METTL25: variants seen among roughly 807,000 people sequenced by gnomAD.
The protein encoded by METTL25 is methyltransferase like 25.
A neutral mutation model predicts 71.6 loss-of-function variants in METTL25; 64 were observed. That is an observed-to-expected ratio of 0.89 (90% confidence interval 0.73 to 1.10). The LOEUF (loss-of-function observed/expected upper bound fraction) is 1.10. Ranked by LOEUF, METTL25 falls within the 50% of genes least tolerant of loss-of-function variation. The probability of loss-of-function intolerance (pLI) is 0.00; values close to 1 mark genes in which losing one functional copy is unlikely to be tolerated. For missense variants in METTL25, 807 were observed against 707.0 expected (o/e 1.14, Z -1.60); for synonymous variants, 287 against 250.3 (o/e 1.15, Z -1.38).
At chr12:82,414,546 TC>T (rs1335393938) in intron 5 of METTL25, among the ~76,000 whole-genome samples, 1 of 152,166 alleles carries the variant, frequency 6.6e-6, no homozygotes, top group African/African-American at 2.4e-5. Context: ...AAAAAAGTTC[TC>T]CCTGTGTTCA....
intron 5 of METTL25, among the ~76,000 whole-genome samples, chr12:82,406,187 G>A (rs373486570): frequency 1.3e-5 from 2 of 152,040 alleles, no homozygotes; most frequent in African/African-American, 2.4e-5. Context: ...ATGAGATATC[G>A]TGTTCACCCT....
intron 9 of METTL25, chr12:82,459,826 T>A (rs191544083): frequency 6.6e-6 from 1 of 152,308 alleles, no homozygotes; most frequent in East Asian, 1.9e-4. Context: ...AATGAAATCA[T>A]ACCTAAAAGT....
intron 5 of METTL25, among the ~76,000 whole-genome samples, chr12:82,426,346 A>G (rs1420397602): frequency 6.6e-6 from 1 of 152,024 alleles, no homozygotes; most frequent in Non-Finnish European, 1.5e-5. Flanking sequence ...ATGGTTATGT[A>G]ACCACGTGGT....
At chr12:82,449,326 G>A (rs781319047) in intron 8 of METTL25, among the ~76,000 whole-genome samples, 5 of 152,130 alleles carry the variant, frequency 3.3e-5, no homozygotes, top group African/African-American at 1.2e-4. Context: ...TGGCATTCAA[G>A]GCCATTTCAA....
At chr12:82,477,983 A>T (rs1388972297) in intron 11 of METTL25, among the ~76,000 whole-genome samples, 1 of 151,866 alleles carries the variant, frequency 6.6e-6, no homozygotes, top group Non-Finnish European at 1.5e-5. Context: ...ATTTTGTCAT[A>T]TGGGGAGCTT....
At chr12:82,443,472 A>G (rs1054127933) in intron 8 of METTL25, among the ~76,000 whole-genome samples, 7 of 151,210 alleles carry the variant, frequency 4.6e-5, no homozygotes, top group African/African-American at 1.7e-4. Flanking sequence ...CAAAAAAAAA[A>G]AAAAAAAGAA....
chr12:82,420,316 C>A (rs1888366574), intron 5 of METTL25, among the ~76,000 whole-genome samples: 1 of 151,874 alleles, frequency 6.6e-6, no homozygotes, highest in South Asian at 2.1e-4. Flanking sequence ...CTTAAAAATT[C>A]CTAAAAGGGT....
chr12:82,438,921 A>G, intron 8 of METTL25, 130 bp downstream of exon 8: 1 of 682,406 alleles, frequency 1.5e-6, no homozygotes, highest in East Asian at 3.4e-5. Context: ...CATAATGTCA[A>G]TAACAAGTAC....
intron 1 of METTL25, 32 bp from the exon 2 acceptor site, chr12:82,386,771 G>T: frequency 6.3e-7 from 1 of 1,576,938 alleles, no homozygotes. Flanking sequence ...ATTAATTATT[G>T]CTGAAGACTT....
intron 4 of METTL25, among the ~76,000 whole-genome samples, chr12:82,399,975 A>T (rs1480186362): frequency 2.0e-5 from 3 of 146,660 alleles, no homozygotes; most frequent in African/African-American, 7.5e-5. Context: ...TAGCTTTTGG[A>T]GTTGTATTAC....
intron 10 of METTL25, 73 bp from the exon 11 acceptor site, chr12:82,477,208 T>G (rs1892924230): frequency 4.5e-6 from 3 of 662,434 alleles, no homozygotes; most frequent in Admixed American, 5.4e-5. Flanking sequence ...TATTTAAACA[T>G]AAGTTTAAGG....
intron 1 of METTL25, among the ~76,000 whole-genome samples, chr12:82,365,836 A>C (rs943052147): frequency 1.3e-5 from 2 of 152,186 alleles, no homozygotes; most frequent in Admixed American, 6.5e-5. Flanking sequence ...CAATCCCAGC[A>C]CTTTGGGAGG....
At chr12:82,429,836 G>A (rs979137005) in intron 5 of METTL25, among the ~76,000 whole-genome samples, 8 of 151,382 alleles carry the variant, frequency 5.3e-5, no homozygotes, top group Non-Finnish European at 7.4e-5. Context: ...AGGGAGGATC[G>A]TCCATATCTT....
At chr12:82,376,167 T>C (rs1016125577) in intron 1 of METTL25, among the ~76,000 whole-genome samples, 7 of 152,374 alleles carry the variant, frequency 4.6e-5, no homozygotes, top group Admixed American at 3.3e-4. Flanking sequence ...TTTTAAATTA[T>C]TGAATTTCCA....
At chr12:82,407,273 A>G (rs1887176566) in intron 5 of METTL25, among the ~76,000 whole-genome samples, 1 of 152,148 alleles carries the variant, frequency 6.6e-6, no homozygotes, top group Admixed American at 6.6e-5. Flanking sequence ...CAGATTCTCA[A>G]GCATTAGTCT....
intron 4 of METTL25, among the ~76,000 whole-genome samples, chr12:82,402,374 G>T (rs1886706074): frequency 6.6e-6 from 1 of 151,986 alleles, no homozygotes; most frequent in African/African-American, 2.4e-5. Context: ...GTCAAAGTGT[G>T]ATATAAATTT....
At chr12:82,466,654 TATCTGTCTAGATG>T (rs1892253088) in intron 9 of METTL25, among the ~76,000 whole-genome samples, 2 of 152,108 alleles carry the variant, frequency 1.3e-5, no homozygotes, top group Admixed American at 1.3e-4. Flanking sequence ...TTCTGTTGAT[TATCTGTCTAGATG>T]ATCTGTCCAA....
At chr12:82,462,130 TAA>T (rs1891920176) in intron 9 of METTL25, among the ~76,000 whole-genome samples, 1 of 152,204 alleles carries the variant, frequency 6.6e-6, no homozygotes, top group African/African-American at 2.4e-5. Flanking sequence ...TCTCAATTTA[TAA>T]GTTTGCATGT....
chr12:82,389,836 G>T lies in METTL25; in HGVS notation c.445G>T (p.Glu149Ter). 1.2e-6 allele frequency: 2 copies of T among 1,601,882 alleles called. No homozygotes were observed. The highest frequency in any genetic ancestry group is 2.2e-5 in the South Asian group (2 of 89,458). ...ATTAGGTGAAAATCAGAAGGCAGTT[G>T]AGTTTATGAATATGAAGAAATCTCA... is the stretch of plus-strand genomic sequence containing the variant. ...QRIGENQKAV[E>*]FMNMKKSHEV... The change falls in exon 3 of 12, where the codon GAG (glutamate) becomes TAG (stop). Residue 149 changes from glutamate (E) to a stop codon, truncating the protein, a stop_gained. Coordinates refer to ENST00000248306, the MANE Select transcript of METTL25 (RefSeq NM_032230.3). LOFTEE classifies it high-confidence loss of function.
Sources: gnomAD v4.1 joint callset for allele counts (sites outside exome capture counted in the v4.1 genomes callset) on GRCh38, gnomAD v4.1.1 for gene constraint, MANE v1.5 for transcripts, NCBI Gene and HGNC (gene_info 2026-07-23, HGNC 2026-07-21) for gene names.